The following BTBD9 variants were observed in gnomAD, a reference collection of about 807,000 sequenced individuals.
BTBD9 encodes the protein BTB/POZ domain-containing protein 9.
In BTBD9, 49 loss-of-function variants were observed where a neutral mutation model predicts 64.3. The ratio of observed to expected loss-of-function variants is 0.76; its 90% confidence interval spans 0.61 to 0.97. The LOEUF is 0.97. Among genes scored for constraint, BTBD9 ranks in the 50% least tolerant of loss-of-function variants. The pLI is 0.00. For missense variants in BTBD9, 598 were observed against 762.1 expected (o/e 0.78, Z 2.53); for synonymous variants, 260 against 274.7 (o/e 0.95, Z 0.53).
chr6:38,637,241 A>G (rs1386383109), intron 1 of BTBD9, among the ~76,000 whole-genome samples: 1 of 152,202 alleles, frequency 6.6e-6, no homozygotes, highest in East Asian at 1.9e-4. Flanking sequence ...CTGAGCATAT[A>G]CTGTGTCTTA....
intron 6 of BTBD9, among the ~76,000 whole-genome samples, chr6:38,508,563 A>G (rs1772640398): frequency 6.6e-6 from 1 of 152,226 alleles, no homozygotes; most frequent in Admixed American, 6.5e-5. Flanking sequence ...AGCAGGAGCG[A>G]TTATATGAAA....
chr6:38,315,181 T>A lies in BTBD9; in HGVS notation c.1265-26720A>T, dbSNP rs560748151. ...TCTTTCTTGGCATCCTCTGTTTTTCTAAGTTAGACTGGCTAAAGGTTTGTT... is the reference window on the plus strand; with the variant it reads ...TCTTTCTTGGCATCCTCTGTTTTTCAAAGTTAGACTGGCTAAAGGTTTGTT... On this transcript the variant is annotated intron_variant, in intron 7 of 10. Coordinates refer to ENST00000481247, the MANE Select transcript of BTBD9 (RefSeq NM_001099272.2). Among the ~76,000 whole-genome samples the A allele has an allele frequency of 5.9e-5, 9 of 152,348 alleles. No individual in the cohort carries two copies. The East Asian group carries it at 1.7e-3, about 29-fold the overall frequency.
rs970142042 is a variant in BTBD9 at position 38,595,941 on chromosome 6, A to G, written c.186-1614T>C. 8.1e-6 allele frequency: 8 copies of G among 985,306 alleles called. No individual in the cohort carries two copies. The African/African-American group carries it at 1.2e-4, about 15-fold the overall frequency. 61.0% of individuals were successfully genotyped at this position (985,306 alleles called of 1,614,324 possible). On this transcript the variant is annotated intron_variant, in intron 2 of 10. Transcript: ENST00000481247. ...TCCATGGTATTTATTTGGATTCTCA[A>G]TGCTTTAAAAGTGGTTTTGATGAGG...
chr6:38,193,613 T>C (rs899648445), intron 9 of BTBD9, among the ~76,000 whole-genome samples: 3 of 152,160 alleles, frequency 2.0e-5, no homozygotes, highest in African/African-American at 7.2e-5. Flanking sequence ...CAGCAGCTCA[T>C]CAGAATGCAC....
chr6:38,523,759 A>C (rs1397432113), intron 6 of BTBD9, among the ~76,000 whole-genome samples: 2 of 152,188 alleles, frequency 1.3e-5, no homozygotes, highest in African/African-American at 4.8e-5. Context: ...ACTTTATTTA[A>C]ATCTCACAAT....
intron 1 of BTBD9, among the ~76,000 whole-genome samples, chr6:38,622,806 G>A (rs1161375817): frequency 1.3e-5 from 2 of 152,098 alleles, no homozygotes; most frequent in Admixed American, 6.5e-5. Context: ...TACCCAAACA[G>A]CTCCATTCAG....
chr6:38,293,611 C>T (rs1401014474), intron 7 of BTBD9, among the ~76,000 whole-genome samples: 1 of 152,124 alleles, frequency 6.6e-6, no homozygotes, highest in Admixed American at 6.5e-5. Context: ...AACTGGCTAG[C>T]CACATGCAGA....
chr6:38,271,967 A>G (rs1468521127), intron 8 of BTBD9, among the ~76,000 whole-genome samples: 1 of 151,770 alleles, frequency 6.6e-6, no homozygotes, highest in Non-Finnish European at 1.5e-5. Flanking sequence ...AACTACAAAG[A>G]AAATGTGGGG....
chr6:38,457,134 G>A (rs1769855200), intron 6 of BTBD9, among the ~76,000 whole-genome samples: 1 of 152,158 alleles, frequency 6.6e-6, no homozygotes, highest in African/African-American at 2.4e-5. Flanking sequence ...CAGTCATGGG[G>A]GCAGAATGAG....
chr6:38,458,996 G>A (rs1769947344), intron 6 of BTBD9, among the ~76,000 whole-genome samples: 1 of 152,086 alleles, frequency 6.6e-6, no homozygotes, highest in Non-Finnish European at 1.5e-5. Flanking sequence ...CTATATAAAA[G>A]TCTGACCATG....
At chr6:38,592,949 G>T in intron 3 of BTBD9, 109 bp from the exon 4 acceptor site, 3 of 1,135,052 alleles carry the variant, frequency 2.6e-6, no homozygotes, top group South Asian at 3.1e-5. Flanking sequence ...AACTCTTTTT[G>T]ACCCTCTCCT....
intron 1 of BTBD9, among the ~76,000 whole-genome samples, chr6:38,615,802 T>C (rs1450621306): frequency 6.6e-6 from 1 of 152,224 alleles, no homozygotes; most frequent in Non-Finnish European, 1.5e-5. Flanking sequence ...ACTCAATACC[T>C]GTGTGAATGC....
At chr6:38,373,157 T>C (rs1765494134) in intron 6 of BTBD9, among the ~76,000 whole-genome samples, 1 of 152,160 alleles carries the variant, frequency 6.6e-6, no homozygotes, top group Admixed American at 6.5e-5. Context: ...TGTCATTTGC[T>C]CTTTCCAGTG....
intron 6 of BTBD9, among the ~76,000 whole-genome samples, chr6:38,437,858 G>C (rs1289907309): frequency 6.6e-6 from 1 of 151,938 alleles, no homozygotes; most frequent in East Asian, 1.9e-4. Context: ...TTTCTGGGTG[G>C]GGAATGGGAA....
intron 9 of BTBD9, among the ~76,000 whole-genome samples, chr6:38,214,178 A>G (rs10080616): frequency 0.023 from 3,526 of 151,942 alleles, 130 homozygotes; most frequent in African/African-American, 0.074. Flanking sequence ...AAGGCCCCTC[A>G]CTCCCCACTG....
chr6:38,230,863 C>T (rs1375172651), intron 9 of BTBD9, among the ~76,000 whole-genome samples: 1 of 152,216 alleles, frequency 6.6e-6, no homozygotes, highest in Non-Finnish European at 1.5e-5. Flanking sequence ...AAAGTAGCTG[C>T]TTCTTGCCTA....
intron 6 of BTBD9, among the ~76,000 whole-genome samples, chr6:38,551,207 T>C (rs757981129): frequency 1.7e-4 from 26 of 152,236 alleles, no homozygotes; most frequent in Admixed American, 1.6e-3. Context: ...TGTACTTCAC[T>C]GAATCTTCAA....
rs190167017 is a variant in BTBD9 at position 38,405,784 on chromosome 6, T to C, written c.1155-60691A>G. ...TCAGGAAAGCAGCCATAAAGCCTAT[T>C]TGAGTTTCCATACTGATCGCAGATC... On this transcript the variant is annotated intron_variant, in intron 6 of 10. Coordinates refer to ENST00000481247, the MANE Select transcript of BTBD9 (RefSeq NM_001099272.2). Among the ~76,000 whole-genome samples, 425 of 152,298 alleles carry C rather than the reference T, an allele frequency of 2.8e-3. 3 individuals carry two copies. The highest frequency in any genetic ancestry group is 0.01 in the African/African-American group (416 of 41,562).
chr6:38,558,946 T>C (rs1183510823), intron 6 of BTBD9, among the ~76,000 whole-genome samples: 1 of 152,156 alleles, frequency 6.6e-6, no homozygotes, highest in Non-Finnish European at 1.5e-5. Flanking sequence ...ATCATTTCAG[T>C]AGAATGGGTA....
Sources: allele counts gnomAD v4.1 joint callset (sites outside exome capture counted in the v4.1 genomes callset), GRCh38; gene constraint gnomAD v4.1.1; transcripts MANE v1.5; gene names NCBI Gene and HGNC (gene_info 2026-07-23, HGNC 2026-07-21).